Variants in CNTN4 observed in about 807,000 individuals in gnomAD.
CNTN4 encodes contactin 4, also known as contactin-4.
A neutral mutation model predicts 122.5 loss-of-function variants in CNTN4; 77 were observed. The observed-to-expected ratio is 0.63, with a 90% CI of 0.52 to 0.76. The LOEUF (loss-of-function observed/expected upper bound fraction) is 0.76, where lower values mean the gene tolerates loss of function less well. Among genes scored for constraint, CNTN4 ranks in the 30% least tolerant of loss-of-function variants. CNTN4 has a pLI of 0.00. For synonymous variants in CNTN4, 512 were observed against 447.0 expected, an observed-to-expected ratio of 1.15 and a Z score of -1.83; for missense variants, 1,256 against 1,259.1, an observed-to-expected ratio of 1.00 and a Z score of 0.04.
intron 7 of CNTN4, among the ~76,000 whole-genome samples, chr3:2,853,006 C>A (rs1305538982): frequency 6.6e-6 from 1 of 151,912 alleles, no homozygotes; most frequent in African/African-American, 2.4e-5. Flanking sequence ...TTAAGTGGTA[C>A]CAGATGGATA....
At chr3:2,133,680 A>C (rs1303814142) in intron 2 of CNTN4, among the ~76,000 whole-genome samples, 2 of 152,228 alleles carry the variant, frequency 1.3e-5, no homozygotes, top group African/African-American at 4.8e-5. Context: ...TGGACAAATG[A>C]AAGCCCTTGA....
chr3:2,863,646 G>A (rs2093693469), intron 7 of CNTN4, among the ~76,000 whole-genome samples: 1 of 151,756 alleles, frequency 6.6e-6, no homozygotes, highest in African/African-American at 2.4e-5. Context: ...TGAACTAATT[G>A]GTACAGCGTT....
At chr3:2,561,776 T>C (rs2078966743) in intron 3 of CNTN4, among the ~76,000 whole-genome samples, 1 of 152,184 alleles carries the variant, frequency 6.6e-6, no homozygotes, top group African/African-American at 2.4e-5. Context: ...GCTTGTGTGA[T>C]TCTAAAGCCA....
intron 4 of CNTN4, among the ~76,000 whole-genome samples, chr3:2,586,538 G>A (rs746885357): frequency 6.6e-6 from 1 of 152,036 alleles, no homozygotes; most frequent in South Asian, 2.1e-4. Flanking sequence ...TGATCTGCCC[G>A]CCTCAGCCTC....
chr3:2,701,694 C>T (rs2086369094), intron 4 of CNTN4, among the ~76,000 whole-genome samples: 1 of 152,074 alleles, frequency 6.6e-6, no homozygotes, highest in African/African-American at 2.4e-5. Context: ...AACTGGGGCT[C>T]AACAAGGTTA....
At chr3:2,905,986 AGTAGAATACTAT>A (rs2094226913) in intron 12 of CNTN4, among the ~76,000 whole-genome samples, 1 of 152,270 alleles carries the variant, frequency 6.6e-6, no homozygotes, top group Non-Finnish European at 1.5e-5. Context: ...ATGTGAACAC[AGTAGAATACTAT>A]GTAGCCATAA....
chr3:2,705,119 C>T (rs1394598245), intron 4 of CNTN4, among the ~76,000 whole-genome samples: 1 of 151,636 alleles, frequency 6.6e-6, no homozygotes, highest in East Asian at 1.9e-4. Flanking sequence ...GAATTCTCAG[C>T]TGGCTTTGGG....
chr3:2,142,121 T>C (rs1415663024), intron 2 of CNTN4, among the ~76,000 whole-genome samples: 1 of 152,228 alleles, frequency 6.6e-6, no homozygotes, highest in African/African-American at 2.4e-5. Flanking sequence ...TGGTTTAGCA[T>C]GGGGCTATTT....
At chr3:2,665,857 C>T (rs1309317510) in intron 4 of CNTN4, among the ~76,000 whole-genome samples, 1 of 152,178 alleles carries the variant, frequency 6.6e-6, no homozygotes, top group African/African-American at 2.4e-5. Flanking sequence ...TGCTTACCAA[C>T]GTGGCGTGTG....
intron 8 of CNTN4, among the ~76,000 whole-genome samples, chr3:2,871,222 A>G (rs1479209516): frequency 3.9e-5 from 6 of 152,360 alleles, no homozygotes; most frequent in Non-Finnish European, 5.9e-5. Context: ...GGGTAACAAC[A>G]TCTACCTCAG....
chr3:2,366,898 G>A (rs1328757311), intron 3 of CNTN4, among the ~76,000 whole-genome samples: 3 of 152,100 alleles, frequency 2.0e-5, no homozygotes, highest in Non-Finnish European at 2.9e-5. Flanking sequence ...AGAATACCAC[G>A]TTTAATATGT....
intron 2 of CNTN4, among the ~76,000 whole-genome samples, chr3:2,193,623 ATT>A (rs2037694726): frequency 6.6e-6 from 1 of 152,198 alleles, no homozygotes; most frequent in Non-Finnish European, 1.5e-5. Flanking sequence ...ATTAGATAAC[ATT>A]TCTGTACAAA....
chr3:3,033,268 T>G (rs926291427), intron 16 of CNTN4, among the ~76,000 whole-genome samples: 3 of 152,192 alleles, frequency 2.0e-5, no homozygotes, highest in Admixed American at 2.0e-4. Context: ...TAGGTGACAT[T>G]AGACTGACAT....
intron 2 of CNTN4, chr3:2,132,541 T>C (rs1174912606): frequency 6.6e-6 from 1 of 152,168 alleles, no homozygotes; most frequent in African/African-American, 2.4e-5. Flanking sequence ...GAAAGCAAGG[T>C]CTTTCTAATA....
intron 2 of CNTN4, among the ~76,000 whole-genome samples, chr3:2,192,708 A>G (rs913441223): frequency 1.3e-5 from 2 of 152,202 alleles, no homozygotes; most frequent in African/African-American, 2.4e-5. Flanking sequence ...ATACAGAGCA[A>G]TATTTTGATT....
intron 2 of CNTN4, among the ~76,000 whole-genome samples, chr3:2,108,603 T>C (rs1161379354): frequency 6.6e-6 from 1 of 152,196 alleles, no homozygotes; most frequent in Non-Finnish European, 1.5e-5. Context: ...TTCTTACCAA[T>C]CCTAGATCCA....
At chr3:2,335,944 G>C (rs1411235761) in intron 2 of CNTN4, among the ~76,000 whole-genome samples, 2 of 152,144 alleles carry the variant, frequency 1.3e-5, no homozygotes, top group Non-Finnish European at 2.9e-5. Context: ...AGGAGCACCT[G>C]TTTTAGACCA....
chr3:2,307,160 G>A (rs1008674620), intron 2 of CNTN4, among the ~76,000 whole-genome samples: 3 of 152,148 alleles, frequency 2.0e-5, no homozygotes, highest in African/African-American at 7.2e-5. Context: ...GCAAGGCCGG[G>A]CGCAGTGGCT....
chr3:2,175,816 T>C (rs928860238), intron 2 of CNTN4, among the ~76,000 whole-genome samples: 9 of 152,156 alleles, frequency 5.9e-5, no homozygotes, highest in African/African-American at 7.2e-5. Context: ...AGCAGAGTGA[T>C]TGGACTAAAG....
Sources: allele counts gnomAD v4.1 joint callset (sites outside exome capture counted in the v4.1 genomes callset), GRCh38; gene constraint gnomAD v4.1.1; transcripts MANE v1.5; gene names NCBI Gene and HGNC (gene_info 2026-07-23, HGNC 2026-07-21).